Variants in OTUD7B observed in about 807,000 individuals in gnomAD.
OTUD7B encodes OTU deubiquitinase 7B.
OTUD7B carries 34 observed loss-of-function variants against 82.2 expected under a neutral mutation model. That is an observed-to-expected ratio of 0.41 (90% CI 0.31 to 0.55). The LOEUF (loss-of-function observed/expected upper bound fraction) is 0.55, where lower values mean the gene tolerates loss of function less well. OTUD7B is among the 20% of genes least tolerant of loss of function. OTUD7B has a pLI of 0.20. For missense variants in OTUD7B, 944 were observed against 1,062.1 expected, an observed-to-expected ratio of 0.89 and a Z score of 1.55; for synonymous variants, 398 against 402.7, an observed-to-expected ratio of 0.99 and a Z score of 0.14.
the OTUD7B span, among the ~76,000 whole-genome samples, chr1:150,043,562 G>C: frequency 6.6e-6 from 1 of 152,032 alleles, no homozygotes; most frequent in Non-Finnish European, 1.5e-5. Flanking sequence ...GAATTCGTGA[G>C]TTCACCCCTA....
the OTUD7B span, among the ~76,000 whole-genome samples, chr1:150,053,669 T>C: frequency 6.6e-6 from 1 of 152,126 alleles, no homozygotes; most frequent in African/African-American, 2.4e-5. Flanking sequence ...GTGCTTGGAT[T>C]ACAGGCATGA....
chr1:149,954,200 T>G lies in OTUD7B; in HGVS notation c.846-3979A>C, dbSNP rs149945186. Among the ~76,000 whole-genome samples, 12 of 152,308 alleles carry G rather than the reference T, an allele frequency of 7.9e-5. No individual in the cohort carries two copies. In the East Asian group the frequency reaches 2.3e-3, roughly 29 times the overall value. The stretch of plus-strand genomic sequence containing the variant: ...CTGTGGGTTTGTCATAAATAGCTCT[T>G]ATTATTTTGAGATACGTCCCATCAA... On this transcript the variant is annotated intron_variant, in intron 7 of 11. Coordinates refer to ENST00000581312, the MANE Select transcript of OTUD7B (RefSeq NM_020205.4).
At position 149,964,241 on chromosome 1, in the gene OTUD7B, T is replaced by C; in HGVS notation, c.713A>G (p.Gln238Arg). ...EALKRRWRWQQTQQNKESGLV... is the reference protein window; with the variant it reads ...EALKRRWRWQRTQQNKESGLV... ...TCCCACCTCTTTATTCTGCTGTGTCTGCTGCCACCTCCAGCGCCTTTTCAA... is the reference window on the plus strand; with the variant it reads ...TCCCACCTCTTTATTCTGCTGTGTCCGCTGCCACCTCCAGCGCCTTTTCAA... The change falls in exon 6 of 12, where the codon CAG (glutamine) becomes CGG (arginine). Residue 238 changes from glutamine (Q) to arginine (R), a missense_variant. Gln to Arg is a conservative substitution (Grantham distance 43). Around this residue, in one of 3 missense-constraint regions of OTUD7B, gnomAD observed 530 missense variants for 625.6 expected, o/e 0.85. Transcript: ENST00000581312. The C allele has an allele frequency of 6.2e-7, 1 of 1,613,422 alleles. No individual in the cohort carries two copies. The highest frequency in any genetic ancestry group is 8.5e-7 in the Non-Finnish European group (1 of 1,180,016).
At chr1:149,983,304 A>G (rs1650913993) in intron 1 of OTUD7B, among the ~76,000 whole-genome samples, 1 of 152,024 alleles carries the variant, frequency 6.6e-6, no homozygotes, top group Admixed American at 6.5e-5. Context: ...CACAATCCCT[A>G]TCCTCAAAAG....
intron 6 of OTUD7B, chr1:149,961,205 C>T (rs1382770989): frequency 6.6e-6 from 1 of 152,178 alleles, no homozygotes; most frequent in Non-Finnish European, 1.5e-5. Context: ...CCTGGAGTAG[C>T]TCACTTTCTG....
intron 2 of OTUD7B, 44 bp from the exon 3 acceptor site, chr1:149,971,295 T>C (rs1553777641): frequency 2.1e-6 from 3 of 1,405,348 alleles, no homozygotes; most frequent in Non-Finnish European, 3.0e-6. Flanking sequence ...AACCATAGTA[T>C]AGAGACACAA....
the OTUD7B span, chr1:150,067,256 G>C: frequency 6.6e-6 from 1 of 152,426 alleles, no homozygotes; most frequent in East Asian, 1.9e-4. Context: ...CTCAACACAG[G>C]GGCACTGTTC....
intron 1 of OTUD7B, among the ~76,000 whole-genome samples, chr1:149,979,392 G>A (rs1192490654): frequency 6.6e-6 from 1 of 152,112 alleles, no homozygotes; most frequent in Non-Finnish European, 1.5e-5. Flanking sequence ...ACACCTATAT[G>A]TATTAACTAG....
At chr1:149,967,925 T>C (rs1649625536) in intron 3 of OTUD7B, among the ~76,000 whole-genome samples, 1 of 152,180 alleles carries the variant, frequency 6.6e-6, no homozygotes, top group Non-Finnish European at 1.5e-5. Context: ...ATAACCTCTC[T>C]GGTAATTCTC....
At position 149,972,511 on chromosome 1, in the gene OTUD7B, T is replaced by C. The variant is rs143772836; in HGVS notation, c.86-1260A>G. On this transcript the variant is annotated intron_variant, in intron 2 of 11. Transcript: ENST00000581312. ...GGTATTTGCTTAAACATCACATTGT[T>C]AGTAAGGCCTACCCTGACTTAAAAA... Among the ~76,000 whole-genome samples, 310 of 152,346 alleles carry C rather than the reference T, an allele frequency of 2.0e-3. 2 individuals are homozygous for C. The highest frequency in any genetic ancestry group is 6.9e-3 in the African/African-American group (287 of 41,590).
intron 7 of OTUD7B, among the ~76,000 whole-genome samples, chr1:149,953,896 T>TTA (rs2101762987): frequency 6.6e-6 from 1 of 152,336 alleles, no homozygotes; most frequent in South Asian, 2.1e-4. Flanking sequence ...GCACATTGAT[T>TTA]TTGTATCCTG....
At chr1:149,969,521 T>A (rs1168017742) in intron 3 of OTUD7B, among the ~76,000 whole-genome samples, 6 of 152,078 alleles carry the variant, frequency 3.9e-5, no homozygotes, top group Non-Finnish European at 8.8e-5. Context: ...ACGCCTGTAA[T>A]CCCAACACTT....
intron 1 of OTUD7B, among the ~76,000 whole-genome samples, chr1:149,993,454 T>C (rs2101906305): frequency 6.6e-6 from 1 of 152,290 alleles, no homozygotes; most frequent in Non-Finnish European, 1.5e-5. Context: ...AACCCCAAGA[T>C]AGATATCAGC....
At chr1:149,951,571 G>A (rs1023561449) in intron 7 of OTUD7B, among the ~76,000 whole-genome samples, 27 of 152,096 alleles carry the variant, frequency 1.8e-4, no homozygotes, top group Non-Finnish European at 3.1e-4. Flanking sequence ...ATTTGCTCCT[G>A]TCATTCACAT....
chr1:149,946,571 GTC>G (rs1353807108), intron 11 of OTUD7B, among the ~76,000 whole-genome samples: 1 of 149,662 alleles, frequency 6.7e-6, no homozygotes, highest in Non-Finnish European at 1.5e-5. Flanking sequence ...GTGAAACTCC[GTC>G]TCTACTAAAA....
chr1:150,013,495 G>A (rs1179004174), upstream of OTUD7B, among the ~76,000 whole-genome samples: 2 of 152,138 alleles, frequency 1.3e-5, no homozygotes, highest in Admixed American at 6.5e-5. Flanking sequence ...CCTTTCCACC[G>A]CCACCAATAT....
chr1:149,975,516 G>A (rs1553778366), intron 2 of OTUD7B, among the ~76,000 whole-genome samples: 1 of 152,122 alleles, frequency 6.6e-6, no homozygotes, highest in African/African-American at 2.4e-5. Flanking sequence ...TGCACATATT[G>A]AACACTCATA....
At chr1:149,984,716 T>C (rs1651016432) in intron 1 of OTUD7B, among the ~76,000 whole-genome samples, 2 of 152,218 alleles carry the variant, frequency 1.3e-5, no homozygotes, top group African/African-American at 4.8e-5. Context: ...CTCTCATCTC[T>C]GTCTCCCATC....
rs1306579202 is a variant in OTUD7B at position 149,939,253 on chromosome 1, G to GAGGCCAAGGCCAAGGC, written c.*4603_*4604insGCCTTGGCCTTGGCCT. On this transcript the variant is annotated 3_prime_UTR_variant, in exon 12 of 12. Transcript: ENST00000581312. ...AGATGAGTCACAGATCCAGTTATAA[G>GAGGCCAAGGCCAAGGC]CACAGAAAGAGGCCAAGGTCCTTCC... 4.6e-5 allele frequency: 7 copies of GAGGCCAAGGCCAAGGC among 152,244 alleles called. No homozygotes were observed. The highest frequency in any genetic ancestry group is 1.7e-4 in the African/African-American group (7 of 41,440). 9.4% of individuals were successfully genotyped at this position (152,244 alleles called of 1,614,324 possible).
Sources: allele counts gnomAD v4.1 joint callset (sites outside exome capture counted in the v4.1 genomes callset), GRCh38; gene constraint gnomAD v4.1.1; regional missense constraint gnomAD v4.1.1; transcripts MANE v1.5; gene names NCBI Gene and HGNC (gene_info 2026-07-23, HGNC 2026-07-21).